The following SRGAP3 variants were observed in gnomAD, a reference collection of about 807,000 sequenced individuals.
The protein encoded by SRGAP3 is SLIT-ROBO Rho GTPase-activating protein 3.
A neutral mutation model predicts 121.1 loss-of-function variants in SRGAP3; 39 were observed. The observed-to-expected ratio is 0.32, with a 90% CI of 0.25 to 0.42. SRGAP3 has a LOEUF of 0.42. SRGAP3 is among the 10% of genes least tolerant of loss of function. The pLI is 1.00. For synonymous variants in SRGAP3, 601 were observed against 570.0 expected (o/e 1.05, Z -0.77); for missense variants, 1,213 against 1,470.6 (o/e 0.82, Z 2.86).
At chr3:9,157,040 T>A (rs1950442289) in intron 1 of SRGAP3, among the ~76,000 whole-genome samples, 1 of 152,174 alleles carries the variant, frequency 6.6e-6, no homozygotes, top group South Asian at 2.1e-4. Flanking sequence ...CTATTTGTAG[T>A]GGGGTATGTT....
rs373506976 is a variant in SRGAP3, at chr3:9,180,692, T to C, written c.68-55775A>G. On this transcript the variant is annotated intron_variant, in intron 1 of 21. Coordinates refer to ENST00000383836, the MANE Select transcript of SRGAP3 (RefSeq NM_014850.4). ...TTCAAACCCTCACTCAGACCTCATC[T>C]GCTCCGCGAATCTGTCTCCTGGCCA... Among the ~76,000 whole-genome samples the C allele has an allele frequency of 2.7e-4, 41 of 152,342 alleles. No homozygotes were observed. In the South Asian group the frequency reaches 7.7e-3, roughly 28 times the overall value.
At chr3:9,041,321 T>C (rs543785273) in intron 10 of SRGAP3, among the ~76,000 whole-genome samples, 35 of 152,376 alleles carry the variant, frequency 2.3e-4, no homozygotes, top group African/African-American at 8.2e-4. Context: ...CCCAGCAGTA[T>C]ATGCCTCCGA....
At chr3:9,100,006 ATG>A (rs1948153417) in intron 3 of SRGAP3, among the ~76,000 whole-genome samples, 4 of 152,258 alleles carry the variant, frequency 2.6e-5, no homozygotes, top group Admixed American at 6.5e-5. Context: ...CCGCTAGCTG[ATG>A]CCACGTGTGA....
chr3:8,988,452 C>T (rs1465474750), intron 21 of SRGAP3, among the ~76,000 whole-genome samples: 2 of 152,168 alleles, frequency 1.3e-5, no homozygotes, highest in African/African-American at 4.8e-5. Flanking sequence ...TACTACAATT[C>T]CCTATTTGAC....
At chr3:9,181,562 C>T (rs1516301) in intron 1 of SRGAP3, among the ~76,000 whole-genome samples, 12,304 of 152,182 alleles carry the variant, frequency 0.081, 1,073 homozygotes, top group African/African-American at 0.22. Context: ...ACTGAGGTTT[C>T]CTGGCTAGCT....
At chr3:9,298,873 G>A (rs1954998371) in intron 3 of SRGAP3, among the ~76,000 whole-genome samples, 1 of 151,870 alleles carries the variant, frequency 6.6e-6, no homozygotes, top group Admixed American at 6.6e-5. Context: ...CCAACATGGT[G>A]AAACCCCATC....
rs1220838130 is a variant in SRGAP3, at chr3:9,096,994, CAT to C, written c.423+7684_423+7685del. On this transcript the variant is annotated intron_variant, in intron 3 of 21. Transcript: ENST00000383836. ...ATATATATATATACACATACACACA[CAT>C]ATATATATATTAGAGACAGGGTCTC... is the stretch of plus-strand genomic sequence containing the variant. Among the ~76,000 whole-genome samples the C allele has an allele frequency of 4.6e-5, 5 of 107,776 alleles. No homozygotes were observed. The South Asian group carries it at 9.4e-4, about 20-fold the overall frequency. The allele number at this position is 107,776 out of a possible 152,430, so 70.7% of individuals were successfully genotyped here.
At chr3:9,097,759 C>CAAGCCCACAGCCTCTTTTAGAGG (rs1429084867) in intron 3 of SRGAP3, among the ~76,000 whole-genome samples, 30 of 152,210 alleles carry the variant, frequency 2.0e-4, no homozygotes, top group African/African-American at 7.2e-4. Flanking sequence ...ATCATCTGCT[C>CAAGCCCACAGCCTCTTTTAGAGG]AAGCCCACAG....
chr3:9,050,791 T>C (rs1054692506), intron 9 of SRGAP3, among the ~76,000 whole-genome samples: 4 of 152,200 alleles, frequency 2.6e-5, no homozygotes, highest in African/African-American at 9.6e-5. Flanking sequence ...GTAGGCTCCA[T>C]GGAAGTGGTG....
At chr3:9,359,578 T>C (rs1049795282) in intron 1 of SRGAP3, among the ~76,000 whole-genome samples, 1 of 152,226 alleles carries the variant, frequency 6.6e-6, no homozygotes, top group Non-Finnish European at 1.5e-5. Flanking sequence ...TTGGCCTCTC[T>C]GTGCAGCATT....
chr3:9,276,526 C>T (rs932665599), intron 3 of SRGAP3, among the ~76,000 whole-genome samples: 1 of 151,612 alleles, frequency 6.6e-6, no homozygotes, highest in African/African-American at 2.4e-5. Flanking sequence ...CCAAGGTTCA[C>T]TCGATTCTCC....
chr3:9,222,594 G>A (rs1952850744), intron 1 of SRGAP3, among the ~76,000 whole-genome samples: 1 of 152,206 alleles, frequency 6.6e-6, no homozygotes, highest in Non-Finnish European at 1.5e-5. Flanking sequence ...TATCACCACA[G>A]ATCTCAATTC....
At chr3:9,031,474 A>G (rs1311508834) in intron 12 of SRGAP3, among the ~76,000 whole-genome samples, 2 of 152,148 alleles carry the variant, frequency 1.3e-5, no homozygotes, top group African/African-American at 2.4e-5. Context: ...ATCCTACAGC[A>G]GCCCCTGACA....
chr3:9,275,715 T>A (rs1015250590), intron 3 of SRGAP3, among the ~76,000 whole-genome samples: 3 of 152,182 alleles, frequency 2.0e-5, no homozygotes, highest in African/African-American at 7.2e-5. Context: ...CCTTTTGCCC[T>A]CTGTCATGAT....
intron 3 of SRGAP3, among the ~76,000 whole-genome samples, chr3:9,274,154 GC>G (rs1954529757): frequency 6.6e-6 from 1 of 152,154 alleles, no homozygotes; most frequent in Non-Finnish European, 1.5e-5. Context: ...CATAGGAGGT[GC>G]CCCAAAAATA....
intron 1 of SRGAP3, among the ~76,000 whole-genome samples, chr3:9,178,758 G>C (rs1307408658): frequency 6.6e-6 from 1 of 152,090 alleles, no homozygotes; most frequent in Non-Finnish European, 1.5e-5. Flanking sequence ...CAGTCCCTAG[G>C]GAGAAGCTGT....
At chr3:9,281,761 C>T (rs112342567) in intron 3 of SRGAP3, among the ~76,000 whole-genome samples, 1 of 152,224 alleles carries the variant, frequency 6.6e-6, no homozygotes, top group African/African-American at 2.4e-5. Context: ...CAACCTCCAC[C>T]ATCCGGGTTC....
At chr3:9,257,775 G>A (rs903511492) in intron 3 of SRGAP3, among the ~76,000 whole-genome samples, 1 of 128,510 alleles carries the variant, frequency 7.8e-6, no homozygotes, top group Non-Finnish European at 1.6e-5. Flanking sequence ...CATGATCTTG[G>A]CTCACTGCAA....
intron 1 of SRGAP3, among the ~76,000 whole-genome samples, chr3:9,223,415 T>C (rs937537362): frequency 2.0e-5 from 3 of 152,244 alleles, no homozygotes; most frequent in African/African-American, 7.2e-5. Context: ...ACAGGACTTA[T>C]CAGAGTCTTT....
Sources: gnomAD v4.1 joint callset for allele counts (sites outside exome capture counted in the v4.1 genomes callset) on GRCh38, gnomAD v4.1.1 for gene constraint, MANE v1.5 for transcripts, NCBI Gene and HGNC (gene_info 2026-07-23, HGNC 2026-07-21) for gene names.